Variants in OR51M1 observed in about 807,000 individuals in gnomAD.
OR51M1 encodes olfactory receptor family 51 subfamily M member 1.
For missense variants in OR51M1, 509 were observed against 404.4 expected (o/e 1.26, Z -2.22); for synonymous variants, 199 against 155.1 (o/e 1.28, Z -2.10).
At chr11:5,384,492 TCTGCAGTATTCTGTTAGGAAGGCCA>T (rs1849654948) in intron 1 of OR51M1, among the ~76,000 whole-genome samples, 1 of 152,180 alleles carries the variant, frequency 6.6e-6, no homozygotes, top group South Asian at 2.1e-4. Flanking sequence ...GGCGAGCTCA[TCTGCAGTATTCTGTTAGGAAGGCCA>T]GGAGGCAGGG....
rs74683499 is a variant in OR51M1, at chr11:5,389,798, C to G, written c.400C>G (p.Arg134Gly). 2.5e-6 allele frequency: 4 copies of G among 1,613,744 alleles called. No homozygotes were observed. Among genetic ancestry groups the G allele is most frequent in the Non-Finnish European group, 3.4e-6 (4 of 1,179,906 alleles). ...SSVLLMMSFD[R>G]LVAICHPLRY... is the part of the protein sequence containing the mutation. ...AGTGCTCCTCATGATGTCCTTTGACCGCCTTGTGGCCATCTGCCACCCTCT... is the reference window on the plus strand; with the variant it reads ...AGTGCTCCTCATGATGTCCTTTGACGGCCTTGTGGCCATCTGCCACCCTCT... Residue 134 changes from arginine to glycine, a missense_variant, in exon 3 of 3, where the codon CGC (arginine) becomes GGC (glycine). Coordinates refer to ENST00000642046, the MANE Select transcript of OR51M1 (RefSeq NM_001004756.3).
chr11:5,389,716 T>G lies in OR51M1; in HGVS notation c.318T>G (p.Phe106Leu). ...GGTTTAACTCCCATAGTATCTACTTTGGAGCGTGTCAAATCCAGATGTTCT... is the reference window on the plus strand; with the variant it reads ...GGTTTAACTCCCATAGTATCTACTTGGGAGCGTGTCAAATCCAGATGTTCT... The part of the protein sequence containing the change: ...IFWFNSHSIY[F>L]GACQIQMFCI... The change falls in exon 3 of 3, where the codon TTT becomes TTG. Residue 106 changes from phenylalanine to leucine, a missense_variant. By Grantham distance (22) the Phe-to-Leu change is conservative (BLOSUM62 0). Coordinates refer to ENST00000642046, the MANE Select transcript of OR51M1 (RefSeq NM_001004756.3). 3 of 1,613,920 alleles carry G rather than the reference T, an allele frequency of 1.9e-6. No individual in the cohort carries two copies. Among genetic ancestry groups the G allele is most frequent in the Non-Finnish European group, 2.5e-6 (3 of 1,179,886 alleles).
In OR51M1 at chr11:5,389,958, C is replaced by T. The variant is rs1849767853; in HGVS notation, c.560C>T (p.Ser187Phe). ...AFPYCGSVVLSHSFCLHQEVI... is the reference protein window; with the variant it reads ...AFPYCGSVVLFHSFCLHQEVI... ...CCCTACTGTGGATCTGTGGTCCTCT[C>T]CCACTCATTTTGCCTGCACCAGGAA... The change falls in exon 3 of 3, where the codon TCC becomes TTC. Residue 187 changes from serine to phenylalanine, a missense_variant. Physicochemically the swap from Ser to Phe is radical, Grantham distance 155. Coordinates refer to ENST00000642046, the MANE Select transcript of OR51M1 (RefSeq NM_001004756.3). The T allele has an allele frequency of 6.2e-7, 1 of 1,611,658 alleles. No homozygotes were observed. Among genetic ancestry groups the T allele is most frequent in the South Asian group, 1.1e-5 (1 of 91,078 alleles).
In OR51M1 at chr11:5,390,284, C is replaced by T. The variant is rs1461839508; in HGVS notation, c.886C>T (p.Pro296Ser). The T allele has an allele frequency of 1.2e-6, 2 of 1,613,888 alleles. No individual in the cohort carries two copies. Among genetic ancestry groups the T allele is most frequent in the South Asian group, 1.1e-5 (1 of 91,060 alleles). ...LLMANVYLFV[P>S]PMLNPIIYSI... ...TATGGCCAATGTCTACCTTTTTGTG[C>T]CTCCCATGCTTAACCCAATCATATA... The change falls in exon 3 of 3, where the codon CCT becomes TCT. Residue 296 changes from proline to serine, a missense_variant. Transcript: ENST00000642046.
Position 5,392,940 on chromosome 11 carries a change from A to G in OR51M1, c.*2561A>G, listed in dbSNP as rs1417089274. 2.6e-5 allele frequency: 4 copies of G among 152,180 alleles called. No individual in the cohort carries two copies. Among genetic ancestry groups the G allele is most frequent in the Non-Finnish European group, 5.9e-5 (4 of 68,048 alleles). 9.4% of individuals were successfully genotyped at this position (152,180 alleles called of 1,614,324 possible). On this transcript the variant is annotated 3_prime_UTR_variant, in exon 3 of 3. Coordinates refer to ENST00000642046, the MANE Select transcript of OR51M1 (RefSeq NM_001004756.3). ...AACAAAAAAAAAGAAAAATAAATAAATATCTGTGCTGTTAAGTATGTGGTA... is the reference window on the plus strand; with the variant it reads ...AACAAAAAAAAAGAAAAATAAATAAGTATCTGTGCTGTTAAGTATGTGGTA...
Position 5,386,939 on chromosome 11 carries a change from G to A in OR51M1, c.-16+1481G>A, listed in dbSNP as rs542681737. Among the ~76,000 whole-genome samples, 28 of 152,024 alleles carry A rather than the reference G, an allele frequency of 1.8e-4. No homozygotes were observed. In the South Asian group the frequency reaches 5.0e-3, roughly 27 times the overall value. ...TCAGGTGTGAAAAGATGGATGCTGG[G>A]CTCAATATTAGACGTGTTGAGTTTC... On this transcript the variant is annotated intron_variant, in intron 2 of 2. Transcript: ENST00000642046.
chr11:5,389,986 G>A lies in OR51M1; in HGVS notation c.588G>A (p.Val196=). 1 of 1,612,708 alleles carries A rather than the reference G, an allele frequency of 6.2e-7. No homozygotes were observed. Among genetic ancestry groups the A allele is most frequent in the African/African-American group, 1.3e-5 (1 of 75,050 alleles). The change falls in exon 3 of 3, where the codon GTG becomes GTA. Residue 196 remains valine, a synonymous_variant. Coordinates refer to ENST00000642046, the MANE Select transcript of OR51M1 (RefSeq NM_001004756.3). ...LSHSFCLHQE[V]IQLACTDITF... ...ACTCATTTTGCCTGCACCAGGAAGT[G>A]ATACAGCTGGCCTGCACAGATATCA...
rs1435854170 is a variant in OR51M1, at chr11:5,385,403, G to A, written c.-71G>A. The A allele has an allele frequency of 1.3e-5, 2 of 152,178 alleles. No individual in the cohort carries two copies. Among genetic ancestry groups the A allele is most frequent in the Non-Finnish European group, 2.9e-5 (2 of 68,036 alleles). The allele number at this position is 152,178 out of a possible 1,614,324, so 9.4% of individuals were successfully genotyped here. On this transcript the variant is annotated 5_prime_UTR_variant, in exon 2 of 3. Transcript: ENST00000642046. ...TCCCTGTCCATCTCATCACTCTGAA[G>A]TTGGTGAACACAGAGCTGACAACAG...
chr11:5,385,671 C>T (rs10837970), intron 2 of OR51M1, among the ~76,000 whole-genome samples: 27,256 of 150,848 alleles, frequency 0.18, 2,623 homozygotes, highest in African/African-American at 0.25. Context: ...ATAAAGAATA[C>T]GTATAAATAC....
chr11:5,393,024 A>G lies in OR51M1; in HGVS notation c.*2645A>G, dbSNP rs1167132988. ...TAATTTAATTTGCCTTTTATAAAAA[A>G]CAAAATACATCAAAAGACTTGAAAA... On this transcript the variant is annotated 3_prime_UTR_variant, in exon 3 of 3. Transcript: ENST00000642046. The G allele has an allele frequency of 6.6e-6, 1 of 152,252 alleles. No homozygotes were observed. The highest frequency in any genetic ancestry group is 1.5e-5 in the Non-Finnish European group (1 of 68,044). 9.4% of individuals were successfully genotyped at this position (152,252 alleles called of 1,614,324 possible).
intron 2 of OR51M1, among the ~76,000 whole-genome samples, chr11:5,387,920 T>C (rs931513186): frequency 8.5e-5 from 13 of 152,060 alleles, no homozygotes; most frequent in Admixed American, 6.6e-4. Context: ...GTGTTTATTT[T>C]TGTCTCTGTT....
At position 5,387,008 on chromosome 11, in the gene OR51M1, A is replaced by C. The variant is rs11037150; in HGVS notation, c.-16+1550A>C. ...ACACCTAGTGAGAAGGCAGAAACTC[A>C]GGCCTGATATGTAACGGAGTTATCT... On this transcript the variant is annotated intron_variant, in intron 2 of 2. Coordinates refer to ENST00000642046, the MANE Select transcript of OR51M1 (RefSeq NM_001004756.3). 4.1e-3 allele frequency among the ~76,000 whole-genome samples: 628 copies of C among 152,156 alleles called. 7 individuals are homozygous for C. The highest frequency in any genetic ancestry group is 0.014 in the African/African-American group (590 of 41,486).
At position 5,393,255 on chromosome 11, in the gene OR51M1, A is replaced by T. The variant is rs1005713554; in HGVS notation, c.*2876A>T. 11 of 152,222 alleles carry T rather than the reference A, an allele frequency of 7.2e-5. No individual in the cohort carries two copies. The highest frequency in any genetic ancestry group is 1.2e-4 in the Non-Finnish European group (8 of 68,028). The allele number at this position is 152,222 out of a possible 1,614,324, so 9.4% of individuals were successfully genotyped here. A position where few individuals can be genotyped will look rare whatever the true frequency, so the allele number is the denominator to read the frequency against. On this transcript the variant is annotated 3_prime_UTR_variant, in exon 3 of 3. Coordinates refer to ENST00000642046, the MANE Select transcript of OR51M1 (RefSeq NM_001004756.3). ...TATTATAATTTGTGTTATTGTTCAT[A>T]ATTTTAAGAATGTAAGCATACAAAA... is the stretch of plus-strand genomic sequence containing the variant.
chr11:5,390,130 GGAGCAGCGCC>G lies in OR51M1; in HGVS notation c.734_743del (p.Glu245ValfsTer14), dbSNP rs1229086647. ...CAGTAGCAGGCCTGGCCTCCCAAGA[GGAGCAGCGCC>G]GTGCCTTTCAGACATGCACCGCTCC... is the stretch of plus-strand genomic sequence containing the variant. On this transcript the variant is annotated frameshift_variant, in exon 3 of 3. Coordinates refer to ENST00000642046, the MANE Select transcript of OR51M1 (RefSeq NM_001004756.3). LOFTEE classifies it low-confidence loss of function (END_TRUNC). 6.2e-7 allele frequency: 1 copy of G among 1,613,790 alleles called. No homozygotes were observed. Among genetic ancestry groups the G allele is most frequent in the Non-Finnish European group, 8.5e-7 (1 of 1,179,854 alleles).
rs60219073 is a variant in OR51M1 at position 5,392,932 on chromosome 11, AT to A, written c.*2554del. The stretch of plus-strand genomic sequence containing the variant: ...TTCTCAAAAACAAAAAAAAAGAAAA[AT>A]AAATAAATATCTGTGCTGTTAAGTA... On this transcript the variant is annotated 3_prime_UTR_variant, in exon 3 of 3. Coordinates refer to ENST00000642046, the MANE Select transcript of OR51M1 (RefSeq NM_001004756.3). 119,719 of 151,826 alleles carry A rather than the reference AT, an allele frequency of 0.79. 47,569 individuals are homozygous for A. Among genetic ancestry groups the A allele is most frequent in the Middle Eastern group, 0.84 (244 of 292 alleles). 9.4% of individuals were successfully genotyped at this position (151,826 alleles called of 1,614,324 possible).
chr11:5,384,021 T>C (rs1849648517), intron 1 of OR51M1, 104 bp downstream of exon 1: 1 of 152,190 alleles, frequency 6.6e-6, no homozygotes, highest in African/African-American at 2.4e-5. Context: ...TGCATAGGTA[T>C]CACAAAAGCA....
chr11:5,386,209 A>G (rs1849693293), intron 2 of OR51M1, among the ~76,000 whole-genome samples: 1 of 152,080 alleles, frequency 6.6e-6, no homozygotes, highest in Non-Finnish European at 1.5e-5. Flanking sequence ...CAAGAAAAGT[A>G]TGTGTAGGGA....
At position 5,389,523 on chromosome 11, in the gene OR51M1, C is replaced by G; in HGVS notation, c.125C>G (p.Pro42Arg). The G allele has an allele frequency of 6.2e-7, 1 of 1,613,976 alleles. No homozygotes were observed. Among genetic ancestry groups the G allele is most frequent in the Non-Finnish European group, 8.5e-7 (1 of 1,179,888 alleles). The change falls in exon 3 of 3, where the codon CCC becomes CGC. Residue 42 changes from proline to arginine, a missense_variant. By Grantham distance (103) the Pro-to-Arg change is moderately radical. Coordinates refer to ENST00000642046, the MANE Select transcript of OR51M1 (RefSeq NM_001004756.3). ...LEGIKHWIFI[P>R]FFFMYMVAIS... ...GGCATCAAACACTGGATTTTCATCC[C>G]CTTTTTCTTTATGTACATGGTTGCC...
At chr11:5,388,591 C>T (rs559916125) in intron 2 of OR51M1, among the ~76,000 whole-genome samples, 3 of 148,432 alleles carry the variant, frequency 2.0e-5, no homozygotes, top group Admixed American at 6.8e-5. Context: ...GTCATTAACA[C>T]CGTGAATATA....
Sources: allele counts gnomAD v4.1 joint callset (sites outside exome capture counted in the v4.1 genomes callset), GRCh38; gene constraint gnomAD v4.1.1; transcripts MANE v1.5; gene names NCBI Gene and HGNC (gene_info 2026-07-23, HGNC 2026-07-21).